Variants in RAET1E observed in about 807,000 individuals in gnomAD.
The protein encoded by RAET1E is NKG2D ligand 4.
In RAET1E, 27 loss-of-function variants were observed where a neutral mutation model predicts 21.1. The ratio of observed to expected loss-of-function variants is 1.28; its 90% CI spans 0.94 to 1.76. The LOEUF is 1.76. Among genes scored for constraint, RAET1E ranks in the 40% most tolerant of loss-of-function variants. The pLI is 0.00. For synonymous variants in RAET1E, 113 were observed against 115.0 expected, an observed-to-expected ratio of 0.98 and a Z score of 0.11; for missense variants, 310 against 311.3, an observed-to-expected ratio of 1.00 and a Z score of 0.03.
Position 149,890,898 on chromosome 6 carries a change from G to A in RAET1E, c.4C>T (p.Arg2Ter), listed in dbSNP as rs61746769. The A allele has an allele frequency of 3.5e-3, 5,662 of 1,607,394 alleles. 203 individuals are homozygous for A. In the African/African-American group the frequency reaches 0.068, roughly 19 times the overall value. The change falls in exon 3 of 6, where the codon CGA becomes TGA. Residue 2 changes from arginine (R) to a stop codon, truncating the protein, a stop_gained. Coordinates refer to ENST00000357183, the MANE Select transcript of RAET1E (RefSeq NM_001394057.1). LOFTEE classifies it high-confidence loss of function. M[R>*]RISLTSSPVR... Reference sequence around the variant, plus strand: ...GGGCTAGAAGTCAGGGATATTCTTCGCATACTGTGGAGAGTAACAGGCAGG... The same window carrying A: ...GGGCTAGAAGTCAGGGATATTCTTCACATACTGTGGAGAGTAACAGGCAGG...
intron 5 of RAET1E, chr6:149,889,099 G>T: frequency 7.0e-7 from 1 of 1,418,806 alleles, no homozygotes; most frequent in South Asian, 1.6e-5. Flanking sequence ...GGACCATTTA[G>T]CAGTGGGTCA....
Position 149,888,236 on chromosome 6 carries a change from C to T in RAET1E, c.*262G>A, listed in dbSNP as rs759190696. Reference sequence around the variant, plus strand: ...TAAACGCAGACAGCAAACAAACTTTCCGTCAAAGAGCTGGATGAAACCTGG... The same window carrying T: ...TAAACGCAGACAGCAAACAAACTTTTCGTCAAAGAGCTGGATGAAACCTGG... On this transcript the variant is annotated 3_prime_UTR_variant, in exon 6 of 6. Transcript: ENST00000357183. 1.5e-6 allele frequency: 1 copy of T among 687,100 alleles called. No individual in the cohort carries two copies. Among genetic ancestry groups the T allele is most frequent in the South Asian group, 1.4e-5 (1 of 69,920 alleles). The allele number at this position is 687,100 out of a possible 1,614,324, so 42.6% of individuals were successfully genotyped here. A position where few individuals can be genotyped will look rare whatever the true frequency, so the allele number is the denominator to read the frequency against.
chr6:149,889,339 C>G lies in RAET1E; in HGVS notation c.622+9G>C, dbSNP rs1777767043. ...GGAGCTGCCACATTCTCCCACCCAG[C>G]TCAGTTACCTGTCGGTTCTGGCATT... On this transcript the variant is annotated intron_variant, in intron 5 of 5. Transcript: ENST00000357183. 1.2e-6 allele frequency: 2 copies of G among 1,613,822 alleles called. No individual in the cohort carries two copies. The highest frequency in any genetic ancestry group is 4.5e-5 in the East Asian group (2 of 44,872).
rs1396640603 is a variant in RAET1E, at chr6:149,883,518, GA to G, written c.*4979del. On this transcript the variant is annotated 3_prime_UTR_variant, in exon 6 of 6. Coordinates refer to ENST00000357183, the MANE Select transcript of RAET1E (RefSeq NM_001394057.1). ...TCGAGACCAGCCTGGCCAACAGGGT[GA>G]AACCCCGTCTCTACTAAAAATACAA... The G allele has an allele frequency of 6.6e-6, 1 of 152,196 alleles. No individual in the cohort carries two copies. The highest frequency in any genetic ancestry group is 2.4e-5 in the African/African-American group (1 of 41,430). The allele number at this position is 152,196 out of a possible 1,614,324, so 9.4% of individuals were successfully genotyped here. A position where few individuals can be genotyped will look rare whatever the true frequency, so the allele number is the denominator to read the frequency against.
intron 1 of RAET1E, among the ~76,000 whole-genome samples, chr6:149,897,553 C>G (rs1012071561): frequency 9.2e-5 from 14 of 152,304 alleles, no homozygotes; most frequent in African/African-American, 2.6e-4. Context: ...CGTCCTCTCC[C>G]TGCCCCAGCT....
intron 2 of RAET1E, among the ~76,000 whole-genome samples, chr6:149,891,767 T>C (rs1029984902): frequency 3.9e-5 from 6 of 152,178 alleles, no homozygotes; most frequent in Admixed American, 2.0e-4. Context: ...TTGGGTTACA[T>C]GTGCAGAACG....
chr6:149,896,578 C>T (rs1778122759), intron 1 of RAET1E, among the ~76,000 whole-genome samples: 1 of 152,084 alleles, frequency 6.6e-6, no homozygotes, highest in African/African-American at 2.4e-5. Context: ...CTGCTACCGC[C>T]CTGCCAATAC....
intron 2 of RAET1E, among the ~76,000 whole-genome samples, chr6:149,893,747 G>A (rs762969221): frequency 1.3e-5 from 2 of 152,190 alleles, no homozygotes; most frequent in African/African-American, 2.4e-5. Context: ...TGTTGAATAG[G>A]AGTGGTGAGA....
At position 149,888,594 on chromosome 6, in the gene RAET1E, T is replaced by C; in HGVS notation, c.696A>G (p.Ala232=). The change falls in exon 6 of 6, where the codon GCA becomes GCG. Residue 232 remains alanine, a synonymous_variant. Transcript: ENST00000357183. Reference sequence around the variant, plus strand: ...TTCCCATTAAAACTAACAGGATGAATGCCCCCAGGATGATCCATCTATCTG... The same window carrying C: ...TTCCCATTAAAACTAACAGGATGAACGCCCCCAGGATGATCCATCTATCTG... ...SLPDRWIILG[A]FILLVLMGIV... 1 of 1,606,106 alleles carries C rather than the reference T, an allele frequency of 6.2e-7. No homozygotes were observed. The highest frequency in any genetic ancestry group is 8.5e-7 in the Non-Finnish European group (1 of 1,179,132).
At position 149,884,572 on chromosome 6, in the gene RAET1E, T is replaced by C. The variant is rs1777527378; in HGVS notation, c.*3926A>G. 5 of 1,405,258 alleles carry C rather than the reference T, an allele frequency of 3.6e-6. No individual in the cohort carries two copies. Among genetic ancestry groups the C allele is most frequent in the Non-Finnish European group, 4.9e-6 (5 of 1,028,390 alleles). The allele number at this position is 1,405,258 out of a possible 1,614,324, so 87.0% of individuals were successfully genotyped here. A position where few individuals can be genotyped will look rare whatever the true frequency, so the allele number is the denominator to read the frequency against. On this transcript the variant is annotated 3_prime_UTR_variant, in exon 6 of 6. Coordinates refer to ENST00000357183, the MANE Select transcript of RAET1E (RefSeq NM_001394057.1). ...CAGCTCAGGATTGACCCCTCCGTGA[T>C]CTCTCAGGACTCAGATCCCACCTCT...
Position 149,889,433 on chromosome 6 carries a change from C to G in RAET1E, c.537G>C (p.Lys179Asn), listed in dbSNP as rs769813512. Residue 179 changes from lysine (K) to asparagine (N), a missense_variant, in exon 5 of 6, where the codon AAG becomes AAC. By Grantham distance (94) the Lys-to-Asn change is moderately conservative (BLOSUM62 0). Coordinates refer to ENST00000357183, the MANE Select transcript of RAET1E (RefSeq NM_001394057.1). Reference protein sequence around the residue: ...ETWKKDRGLEKYFRKLSKGDC... With the variant: ...ETWKKDRGLENYFRKLSKGDC... ...CTCCCTTTGAGAGCTTCCTGAAATA[C>G]TTTTCCAGCCCTCTGTCTTTCTTCC... The G allele has an allele frequency of 1.9e-6, 3 of 1,614,216 alleles. No individual in the cohort carries two copies. Among genetic ancestry groups the G allele is most frequent in the Non-Finnish European group, 2.5e-6 (3 of 1,180,044 alleles).
chr6:149,887,593 G>A lies in RAET1E; in HGVS notation c.*905C>T, dbSNP rs1777664309. On this transcript the variant is annotated 3_prime_UTR_variant, in exon 6 of 6. Coordinates refer to ENST00000357183, the MANE Select transcript of RAET1E (RefSeq NM_001394057.1). ...GGTATTCGTTTAAGCAATGAAAAGGGTAGAATCATTTCTTACATCAGAAAC... is the reference window on the plus strand; with the variant it reads ...GGTATTCGTTTAAGCAATGAAAAGGATAGAATCATTTCTTACATCAGAAAC... Among the ~76,000 whole-genome samples, 2 of 152,194 alleles carry A rather than the reference G, an allele frequency of 1.3e-5. No homozygotes were observed. Among genetic ancestry groups the A allele is most frequent in the Non-Finnish European group, 2.9e-5 (2 of 68,042 alleles).
rs950478001 is a variant in RAET1E, at chr6:149,883,900, C to T, written c.*4598G>A. ...AGAAATGGTGAATGCAGAAAACTGC[C>T]TCACAAATGATTATACTACCTCTCA... is the stretch of plus-strand genomic sequence containing the variant. On this transcript the variant is annotated 3_prime_UTR_variant, in exon 6 of 6. Coordinates refer to ENST00000357183, the MANE Select transcript of RAET1E (RefSeq NM_001394057.1). 1.3e-5 allele frequency: 2 copies of T among 152,892 alleles called. No homozygotes were observed. Among genetic ancestry groups the T allele is most frequent in the African/African-American group, 4.8e-5 (2 of 41,424 alleles). The allele number at this position is 152,892 out of a possible 1,614,324, so 9.5% of individuals were successfully genotyped here.
In RAET1E at chr6:149,888,296, G is replaced by C; in HGVS notation, c.*202C>G. The C allele has an allele frequency of 1.4e-6, 1 of 731,744 alleles. No homozygotes were observed. The highest frequency in any genetic ancestry group is 2.4e-6 in the Non-Finnish European group (1 of 419,836). The allele number at this position is 731,744 out of a possible 1,614,324, so 45.3% of individuals were successfully genotyped here. A position where few individuals can be genotyped will look rare whatever the true frequency, so the allele number is the denominator to read the frequency against. The stretch of plus-strand genomic sequence containing the variant: ...CAAGGAGACAACACCCCAGGCAGGC[G>C]TTCCAGATCTTTGACCTTGCCCCTC... On this transcript the variant is annotated 3_prime_UTR_variant, in exon 6 of 6. Transcript: ENST00000357183.
chr6:149,890,184 A>G (rs761836337), intron 3 of RAET1E, 39 bp from the exon 4 acceptor site: 1 of 1,608,148 alleles, frequency 6.2e-7, no homozygotes, highest in Non-Finnish European at 8.5e-7. Context: ...AGGACAGGGG[A>G]AGAGGCCCAT....
intron 2 of RAET1E, among the ~76,000 whole-genome samples, chr6:149,894,839 TGGA>T (rs997546736): frequency 9.2e-5 from 14 of 152,328 alleles, no homozygotes; most frequent in African/African-American, 3.1e-4. Context: ...TGTGATCATT[TGGA>T]GGAGGAGAGG....
Position 149,885,512 on chromosome 6 carries a change from C to G in RAET1E, c.*2986G>C, listed in dbSNP as rs1777570092. On this transcript the variant is annotated 3_prime_UTR_variant, in exon 6 of 6. Coordinates refer to ENST00000357183, the MANE Select transcript of RAET1E (RefSeq NM_001394057.1). Reference sequence around the variant, plus strand: ...ACTTAGCAACCTCATTTCTCCCTGTCCTCATACAGGACAAGCCCTGCCCCT... The same window carrying G: ...ACTTAGCAACCTCATTTCTCCCTGTGCTCATACAGGACAAGCCCTGCCCCT... 1 of 152,264 alleles carries G rather than the reference C, an allele frequency of 6.6e-6. No individual in the cohort carries two copies. Among genetic ancestry groups the G allele is most frequent in the Admixed American group, 6.5e-5 (1 of 15,284 alleles). The allele number at this position is 152,264 out of a possible 1,614,324, so 9.4% of individuals were successfully genotyped here.
Position 149,890,099 on chromosome 6 carries a change from T to C in RAET1E, c.132A>G (p.Arg44=). 1 of 1,613,552 alleles carries C rather than the reference T, an allele frequency of 6.2e-7. No homozygotes were observed. ...GCGCTTCACACCAGGGCTGTCCAGG[T>C]CTGGACAATGATTTTATAGTGAAGT... ...CFNFTIKSLS[R]PGQPWCEAQV... The change falls in exon 4 of 6, where the codon AGA becomes AGG. Residue 44 remains arginine (R), a synonymous_variant. Transcript: ENST00000357183.
intron 2 of RAET1E, among the ~76,000 whole-genome samples, chr6:149,893,646 AAC>A (rs1315854488): frequency 6.6e-6 from 1 of 152,190 alleles, no homozygotes; most frequent in Non-Finnish European, 1.5e-5. Flanking sequence ...GTCATCTGCA[AAC>A]AGAGACAATT....
Sources: gnomAD v4.1 joint callset for allele counts (sites outside exome capture counted in the v4.1 genomes callset) on GRCh38, gnomAD v4.1.1 for gene constraint, MANE v1.5 for transcripts, NCBI Gene and HGNC (gene_info 2026-07-23, HGNC 2026-07-21) for gene names.